ASXL2: variants seen among roughly 807,000 people sequenced by gnomAD.
ASXL2 encodes the protein ASXL transcriptional regulator 2.
A neutral mutation model predicts 122.0 loss-of-function variants in ASXL2; 23 were observed. The observed-to-expected ratio is 0.19, with a 90% CI of 0.14 to 0.27. ASXL2 has a LOEUF of 0.27. Among genes scored for constraint, ASXL2 ranks in the 10% least tolerant of loss-of-function variants. The pLI, the probability that ASXL2 is intolerant of heterozygous loss-of-function variation, is 1.00. For synonymous variants in ASXL2, 650 were observed against 637.0 expected (o/e 1.02, Z -0.31); for missense variants, 1,518 against 1,713.8 (o/e 0.89, Z 2.02).
intron 3 of ASXL2, among the ~76,000 whole-genome samples, chr2:25,819,275 TA>T (rs1226341511): frequency 6.6e-6 from 1 of 152,196 alleles, no homozygotes; most frequent in African/African-American, 2.4e-5. Flanking sequence ...TTTAAGCTGC[TA>T]AATCTGTGAT....
chr2:25,865,900 C>T (rs6760135), intron 1 of ASXL2, among the ~76,000 whole-genome samples: 26,874 of 151,692 alleles, frequency 0.18, 2,596 homozygotes, highest in Non-Finnish European at 0.22. Context: ...CTGCATGAGA[C>T]CTGAGATGTG....
At chr2:25,788,061 A>G (rs1428774173) in intron 5 of ASXL2, among the ~76,000 whole-genome samples, 2 of 152,214 alleles carry the variant, frequency 1.3e-5, no homozygotes, top group African/African-American at 4.8e-5. Context: ...CAGAAACCAA[A>G]CCATAACTAT....
intron 1 of ASXL2, among the ~76,000 whole-genome samples, chr2:25,857,853 G>A (rs1156731346): frequency 2.6e-5 from 4 of 151,692 alleles, no homozygotes; most frequent in Non-Finnish European, 4.4e-5. Flanking sequence ...ATGCAGGCAG[G>A]GATTTTTATT....
chr2:25,835,012 T>C (rs1418781155), intron 3 of ASXL2, among the ~76,000 whole-genome samples: 1 of 152,002 alleles, frequency 6.6e-6, no homozygotes. Flanking sequence ...TTAGTAGAGA[T>C]GCAGTTTCAC....
intron 1 of ASXL2, among the ~76,000 whole-genome samples, chr2:25,869,322 G>A (rs920812110): frequency 1.3e-5 from 2 of 149,802 alleles, no homozygotes; most frequent in African/African-American, 4.9e-5. Flanking sequence ...AGAGTAAAAC[G>A]TTGTCTCCAA....
At chr2:25,856,363 CTTTTTTTTTT>C (rs70950127) in intron 1 of ASXL2, 5 of 235,956 alleles carry the variant, frequency 2.1e-5, no homozygotes, top group African/African-American at 1.5e-4. Flanking sequence ...CTGGCCTATA[CTTTTTTTTTT>C]TTTTTTTTTT....
chr2:25,787,420 C>G (rs1022270551), intron 5 of ASXL2, among the ~76,000 whole-genome samples: 1 of 152,156 alleles, frequency 6.6e-6, no homozygotes, highest in African/African-American at 2.4e-5. Flanking sequence ...AAAGCTGACA[C>G]GAAAAGTATG....
In ASXL2 at chr2:25,748,816, T is replaced by C. The variant is rs560257643; in HGVS notation, c.1860+880A>G. Among the ~76,000 whole-genome samples the C allele has an allele frequency of 2.0e-3, 305 of 152,350 alleles. 1 individual carries two copies. The highest frequency in any genetic ancestry group is 7.1e-3 in the African/African-American group (297 of 41,584). On this transcript the variant is annotated intron_variant, in intron 12 of 12. Coordinates refer to ENST00000435504, the MANE Select transcript of ASXL2 (RefSeq NM_018263.6). The stretch of plus-strand genomic sequence containing the variant: ...AAATGTGTTTGGGTTTTAAAAGGCA[T>C]TGTATATTAAGACAGTCAAAGATAC...
chr2:25,788,634 T>C (rs892638675), intron 5 of ASXL2, among the ~76,000 whole-genome samples: 2 of 152,178 alleles, frequency 1.3e-5, no homozygotes, highest in East Asian at 1.9e-4. Flanking sequence ...TTTTGGACTT[T>C]GGTGGGTGTG....
rs2149206844 is a variant in ASXL2 at position 25,878,386 on chromosome 2, C to G, written c.-164G>C. The G allele has an allele frequency of 1.7e-6, 1 of 602,756 alleles. No individual in the cohort carries two copies. Among genetic ancestry groups the G allele is most frequent in the South Asian group, 2.0e-5 (1 of 49,786 alleles). 37.3% of individuals were successfully genotyped at this position (602,756 alleles called of 1,614,324 possible). A position where few individuals can be genotyped will look rare whatever the true frequency, so the allele number is the denominator to read the frequency against. ...CAGAGGAAGCGGCGGGGGTGGTGCG[C>G]GGGGGGGTCTATGGGGCGGCCGGTC... On this transcript the variant is annotated 5_prime_UTR_variant, in exon 1 of 13. Transcript: ENST00000435504.
intron 2 of ASXL2, among the ~76,000 whole-genome samples, chr2:25,839,884 T>A (rs1339342151): frequency 6.6e-6 from 1 of 151,042 alleles, no homozygotes; most frequent in East Asian, 1.9e-4. Context: ...CACTACCATG[T>A]TTTCTTTTTT....
At chr2:25,806,788 C>T (rs963271577) in intron 3 of ASXL2, among the ~76,000 whole-genome samples, 3 of 152,066 alleles carry the variant, frequency 2.0e-5, no homozygotes, top group African/African-American at 7.2e-5. Context: ...TGTATTCAAA[C>T]CTATCATGAG....
At chr2:25,841,280 A>G (rs1176817652) in intron 2 of ASXL2, among the ~76,000 whole-genome samples, 1 of 152,174 alleles carries the variant, frequency 6.6e-6, no homozygotes. Context: ...TGGGTTACAG[A>G]GTGAGACCCT....
rs530518562 is a variant in ASXL2, at chr2:25,769,487, G to A, written c.505-619C>T. On this transcript the variant is annotated intron_variant, in intron 6 of 12. Transcript: ENST00000435504. Reference sequence around the variant, plus strand: ...CAGAGGGGGAAGACTAGACAATACTGGTTCTAACAACAGTGTGGTTCCTTC... The same window carrying A: ...CAGAGGGGGAAGACTAGACAATACTAGTTCTAACAACAGTGTGGTTCCTTC... 1.1e-4 allele frequency among the ~76,000 whole-genome samples: 17 copies of A among 152,088 alleles called. No individual in the cohort carries two copies. In the East Asian group the frequency reaches 3.1e-3, roughly 28 times the overall value.
At chr2:25,827,780 C>T (rs866222555) in intron 3 of ASXL2, among the ~76,000 whole-genome samples, 1 of 151,956 alleles carries the variant, frequency 6.6e-6, no homozygotes, top group Non-Finnish European at 1.5e-5. Context: ...CTAGTTGTGG[C>T]CCCAAAATGA....
At chr2:25,847,849 G>T (rs1484566962) in intron 1 of ASXL2, among the ~76,000 whole-genome samples, 1 of 152,150 alleles carries the variant, frequency 6.6e-6, no homozygotes, top group Non-Finnish European at 1.5e-5. Context: ...GCCATAAATT[G>T]ATAATTATAG....
chr2:25,777,868 T>C (rs555384071), intron 5 of ASXL2, among the ~76,000 whole-genome samples: 5 of 152,322 alleles, frequency 3.3e-5, no homozygotes, highest in Admixed American at 6.5e-5. Context: ...GACAGTTTGA[T>C]TGGCATCCTT....
intron 5 of ASXL2, among the ~76,000 whole-genome samples, chr2:25,797,337 C>T (rs1049152188): frequency 6.6e-6 from 1 of 151,928 alleles, no homozygotes; most frequent in East Asian, 1.9e-4. Context: ...CCCAGCTACT[C>T]GGGAGGCCAA....
intron 1 of ASXL2, among the ~76,000 whole-genome samples, chr2:25,853,160 G>A (rs1300826378): frequency 6.6e-6 from 1 of 152,092 alleles, no homozygotes; most frequent in East Asian, 1.9e-4. Flanking sequence ...CTGAGCTTGA[G>A]GTACTAGTTC....
Sources: allele counts gnomAD v4.1 joint callset (sites outside exome capture counted in the v4.1 genomes callset), GRCh38; gene constraint gnomAD v4.1.1; transcripts MANE v1.5; gene names NCBI Gene and HGNC (gene_info 2026-07-23, HGNC 2026-07-21).